Variants in TTLL5 observed in about 807,000 individuals in gnomAD.
TTLL5 encodes tubulin tyrosine ligase like 5, also known as tubulin polyglutamylase TTLL5.
Under a neutral mutation model 168.4 loss-of-function variants are expected in TTLL5, and 132 were observed. The ratio of observed to expected loss-of-function variants is 0.78; its 90% confidence interval spans 0.68 to 0.91. TTLL5 has a LOEUF of 0.91. Among genes scored for constraint, TTLL5 ranks in the 40% least tolerant of loss-of-function variants. TTLL5 has a pLI of 0.00. For synonymous variants in TTLL5, 546 were observed against 558.6 expected, an observed-to-expected ratio of 0.98 and a Z score of 0.32; for missense variants, 1,545 against 1,581.5, an observed-to-expected ratio of 0.98 and a Z score of 0.39.
chr14:75,688,795 A>T (rs775189161), intron 5 of TTLL5, among the ~76,000 whole-genome samples: 4 of 152,194 alleles, frequency 2.6e-5, no homozygotes, highest in Admixed American at 6.5e-5. Context: ...TTGAATTGAG[A>T]GTAGAGAGTA....
At chr14:75,908,938 A>G (rs970085335) in intron 31 of TTLL5, among the ~76,000 whole-genome samples, 4 of 152,006 alleles carry the variant, frequency 2.6e-5, no homozygotes, top group Non-Finnish European at 5.9e-5. Context: ...CACAATGCAC[A>G]GCTAATTTTT....
At chr14:75,893,046 A>G (rs1566648838) in intron 30 of TTLL5, among the ~76,000 whole-genome samples, 1 of 152,212 alleles carries the variant, frequency 6.6e-6, no homozygotes, top group Non-Finnish European at 1.5e-5. Context: ...ATTCTAAGAA[A>G]GATTGCCAGG....
intron 12 of TTLL5, among the ~76,000 whole-genome samples, chr14:75,723,821 T>G (rs944970032): frequency 4.6e-5 from 7 of 152,104 alleles, no homozygotes; most frequent in African/African-American, 1.7e-4. Flanking sequence ...CATCTGGAGT[T>G]TTTTAAGTTG....
chr14:75,779,288 C>G (rs1222947854), intron 23 of TTLL5, among the ~76,000 whole-genome samples: 1 of 152,128 alleles, frequency 6.6e-6, no homozygotes, highest in African/African-American at 2.4e-5. Context: ...GGAAAAGAAT[C>G]TTTAATTTAA....
At chr14:75,842,080 G>A (rs553873741) in intron 28 of TTLL5, among the ~76,000 whole-genome samples, 1 of 152,280 alleles carries the variant, frequency 6.6e-6, no homozygotes, top group East Asian at 1.9e-4. Context: ...CTTATACGTA[G>A]ATCTTTGTGC....
At chr14:75,766,457 T>A in intron 20 of TTLL5, 89 bp downstream of exon 20, 1 of 1,205,356 alleles carries the variant, frequency 8.3e-7, no homozygotes, top group African/African-American at 1.5e-5. Context: ...TTTACAGTCA[T>A]TTTTCATTTA....
intron 28 of TTLL5, among the ~76,000 whole-genome samples, chr14:75,832,920 G>T (rs1188950680): frequency 6.6e-6 from 1 of 152,144 alleles, no homozygotes; most frequent in African/African-American, 2.4e-5. Context: ...ATCAGGCCCA[G>T]GCTGAGCTCT....
chr14:75,943,901 T>C (rs1331943576), intron 31 of TTLL5, among the ~76,000 whole-genome samples: 1 of 152,110 alleles, frequency 6.6e-6, no homozygotes, highest in African/African-American at 2.4e-5. Flanking sequence ...TAATAATAAT[T>C]AAAGTTTAAA....
At chr14:75,910,730 G>A (rs1253414003) in intron 31 of TTLL5, among the ~76,000 whole-genome samples, 1 of 152,220 alleles carries the variant, frequency 6.6e-6, no homozygotes, top group Non-Finnish European at 1.5e-5. Context: ...TAATAGCAGG[G>A]CTTGGAGAAT....
chr14:75,828,348 A>T (rs1156686487), intron 28 of TTLL5, among the ~76,000 whole-genome samples: 2 of 152,128 alleles, frequency 1.3e-5, no homozygotes, highest in African/African-American at 2.4e-5. Flanking sequence ...TAACCTGAGG[A>T]TGACGAGAAT....
chr14:75,888,532 G>A (rs565616088), intron 30 of TTLL5, among the ~76,000 whole-genome samples: 52 of 152,110 alleles, frequency 3.4e-4, no homozygotes, highest in African/African-American at 1.9e-4. Flanking sequence ...CAGTTTCTCC[G>A]TGAATATAAG....
At chr14:75,688,324 G>T (rs1334859575) in intron 5 of TTLL5, among the ~76,000 whole-genome samples, 7 of 152,182 alleles carry the variant, frequency 4.6e-5, no homozygotes, top group Admixed American at 4.6e-4. Flanking sequence ...AAAGGACTGG[G>T]TTTGGAGAGC....
chr14:75,704,810 T>C (rs1055094251), intron 7 of TTLL5, among the ~76,000 whole-genome samples: 1 of 152,142 alleles, frequency 6.6e-6, no homozygotes, highest in African/African-American at 2.4e-5. Context: ...ATAAAGACAA[T>C]AGAACACATA....
intron 30 of TTLL5, among the ~76,000 whole-genome samples, chr14:75,900,230 G>T (rs2032864742): frequency 6.6e-6 from 1 of 152,178 alleles, no homozygotes; most frequent in African/African-American, 2.4e-5. Flanking sequence ...GGAAAAGGGA[G>T]AAGCTCTCTG....
At chr14:75,940,496 G>T (rs1401899942) in intron 31 of TTLL5, among the ~76,000 whole-genome samples, 2 of 152,110 alleles carry the variant, frequency 1.3e-5, no homozygotes, top group Non-Finnish European at 2.9e-5. Context: ...AAATACACCA[G>T]ATATACTCAA....
intron 28 of TTLL5, among the ~76,000 whole-genome samples, chr14:75,852,439 C>G (rs1490630422): frequency 6.6e-6 from 1 of 152,094 alleles, no homozygotes; most frequent in African/African-American, 2.4e-5. Flanking sequence ...GCAAGGAGAC[C>G]AGCTTGCACT....
intron 29 of TTLL5, among the ~76,000 whole-genome samples, chr14:75,881,064 C>G (rs2031786950): frequency 1.3e-5 from 2 of 152,174 alleles, no homozygotes; most frequent in South Asian, 4.1e-4. Flanking sequence ...CAGGCAGGCA[C>G]CACCACGTCT....
chr14:75,882,828 C>T lies in TTLL5; in HGVS notation c.3666C>T (p.Cys1222=), dbSNP rs141359185. Reference sequence around the variant, plus strand: ...AAGTGGTACCACCTCCAAGTTCTTGCGCCTCCCTGGTTCCCAAACCCCCAC... The same window carrying T: ...AAGTGGTACCACCTCCAAGTTCTTGTGCCTCCCTGGTTCCCAAACCCCCAC... ...PQKVVPPPSS[C]ASLVPKPPPN... The change falls in exon 30 of 32, where the codon TGC becomes TGT. Residue 1222 remains cysteine (C), a synonymous_variant. Transcript: ENST00000298832. 5.3e-5 allele frequency: 85 copies of T among 1,614,026 alleles called. No individual in the cohort carries two copies. Among genetic ancestry groups the T allele is most frequent in the African/African-American group, 9.3e-5 (7 of 74,896 alleles).
intron 27 of TTLL5, among the ~76,000 whole-genome samples, chr14:75,805,176 T>C (rs945284693): frequency 6.6e-6 from 1 of 152,216 alleles, no homozygotes; most frequent in Non-Finnish European, 1.5e-5. Context: ...CTATTTTTAA[T>C]CTTCTTCCTT....
Sources: gnomAD v4.1 joint callset for allele counts (sites outside exome capture counted in the v4.1 genomes callset) on GRCh38, gnomAD v4.1.1 for gene constraint, MANE v1.5 for transcripts, NCBI Gene and HGNC (gene_info 2026-07-23, HGNC 2026-07-21) for gene names.